The following FBXO33 variants were observed in gnomAD, a reference collection of about 807,000 sequenced individuals.
The protein encoded by FBXO33 is F-box only protein 33.
FBXO33 carries 22 observed loss-of-function variants against 46.3 expected under a neutral mutation model. The ratio of observed to expected loss-of-function variants is 0.48; its 90% confidence interval spans 0.34 to 0.68. FBXO33 has a LOEUF of 0.68. Among genes scored for constraint, FBXO33 ranks in the 30% least tolerant of loss-of-function variants. FBXO33 has a pLI of 0.01. For missense variants in FBXO33, 692 were observed against 708.8 expected, an observed-to-expected ratio of 0.98 and a Z score of 0.27; for synonymous variants, 337 against 291.3, an observed-to-expected ratio of 1.16 and a Z score of -1.60.
At chr14:39,430,671 C>G (rs1029987286) in intron 1 of FBXO33, among the ~76,000 whole-genome samples, 1 of 152,020 alleles carries the variant, frequency 6.6e-6, no homozygotes, top group Non-Finnish European at 1.5e-5. Context: ...CTTTTGTGAA[C>G]GTCTAAACTT....
At chr14:39,419,653 A>G (rs1238158839) in intron 1 of FBXO33, among the ~76,000 whole-genome samples, 1 of 152,232 alleles carries the variant, frequency 6.6e-6, no homozygotes, top group Non-Finnish European at 1.5e-5. Flanking sequence ...GAGTTTATTT[A>G]CTCATTCATT....
Position 39,429,997 on chromosome 14 carries a change from G to T in FBXO33, c.599+1567C>A, listed in dbSNP as rs188748884. Among the ~76,000 whole-genome samples the T allele has an allele frequency of 1.7e-3, 252 of 152,304 alleles. 1 individual carries two copies. Among genetic ancestry groups the T allele is most frequent in the African/African-American group, 5.4e-3 (223 of 41,556 alleles). The stretch of plus-strand genomic sequence containing the variant: ...AGTCTTGTTCTTACTTGGGTCAAAG[G>T]CACATACAGTGTTTGCATGGTTGCA... On this transcript the variant is annotated intron_variant, in intron 1 of 3. Transcript: ENST00000298097.
intron 1 of FBXO33, among the ~76,000 whole-genome samples, chr14:39,426,409 C>T (rs1436643711): frequency 6.6e-6 from 1 of 152,050 alleles, no homozygotes; most frequent in African/African-American, 2.4e-5. Context: ...CCAACTTGTC[C>T]CCCTACTTTC....
chr14:39,418,868 T>A (rs1048462076), intron 1 of FBXO33, among the ~76,000 whole-genome samples: 2 of 151,492 alleles, frequency 1.3e-5, no homozygotes, highest in Non-Finnish European at 2.9e-5. Flanking sequence ...TCCAGCTATA[T>A]AATAATTTAA....
intron 1 of FBXO33, among the ~76,000 whole-genome samples, chr14:39,404,677 G>A (rs1427116659): frequency 6.6e-6 from 1 of 152,136 alleles, no homozygotes; most frequent in Non-Finnish European, 1.5e-5. Flanking sequence ...GTAAGGTAGG[G>A]AGACAGCATT....
In FBXO33 at chr14:39,401,417, T is replaced by G. The variant is rs144152967; in HGVS notation, c.1155A>C (p.Leu385Phe). The change falls in exon 3 of 4, where the codon TTA becomes TTC. Residue 385 changes from leucine (L) to phenylalanine (F), a missense_variant. Leu to Phe is a conservative substitution (Grantham distance 22). This residue lies in a region of FBXO33 where 186 missense variants were observed against 246.1 expected (regional missense o/e 0.76). Transcript: ENST00000298097. Reference sequence around the variant, plus strand: ...GTGGTATACTGGGTTTCAGAATCTTTAACATATCTTCACTCTTGATATCAA... The same window carrying G: ...GTGGTATACTGGGTTTCAGAATCTTGAACATATCTTCACTCTTGATATCAA... ...MAFDIKSEDM[L>F]KILKPSIPLE... The G allele has an allele frequency of 1.2e-6, 2 of 1,614,102 alleles. No individual in the cohort carries two copies. The highest frequency in any genetic ancestry group is 1.3e-5 in the African/African-American group (1 of 74,936).
intron 1 of FBXO33, among the ~76,000 whole-genome samples, chr14:39,428,126 G>C (rs1018450716): frequency 6.6e-6 from 1 of 152,164 alleles, no homozygotes; most frequent in Non-Finnish European, 1.5e-5. Flanking sequence ...CATACAAGCA[G>C]TTAGAGCTGT....
rs2075373166 is a variant in FBXO33, at chr14:39,402,496, A to G, written c.615T>C (p.Phe205=). 6.5e-7 allele frequency: 1 copy of G among 1,527,070 alleles called. No homozygotes were observed. The highest frequency in any genetic ancestry group is 8.8e-7 in the Non-Finnish European group (1 of 1,135,088). 94.6% of individuals were successfully genotyped at this position (1,527,070 alleles called of 1,614,324 possible). Residue 205 remains phenylalanine (F), a synonymous_variant, in exon 2 of 4, where the codon TTT becomes TTC. Coordinates refer to ENST00000298097, the MANE Select transcript of FBXO33 (RefSeq NM_203301.4). ...SIRNNRNLQK[F]SLFGDISVLQ... The stretch of plus-strand genomic sequence containing the variant: ...GAACACTTATGTCTCCAAAAAGACT[A>G]AACTTCTGAAGGTTCCTACAAGAAC...
intron 1 of FBXO33, 127 bp from the exon 2 acceptor site, chr14:39,402,638 C>A: frequency 2.7e-6 from 1 of 375,816 alleles, no homozygotes; most frequent in Non-Finnish European, 4.5e-6. Flanking sequence ...AATTAGAATC[C>A]AGTTAAGTAC....
intron 1 of FBXO33, among the ~76,000 whole-genome samples, chr14:39,417,398 C>T (rs777757666): frequency 1.2e-4 from 19 of 152,212 alleles, no homozygotes; most frequent in South Asian, 2.1e-4. Context: ...AGCTAGTTTG[C>T]GGGAGAAGCT....
chr14:39,430,181 C>CTCTA (rs2075535902), intron 1 of FBXO33, among the ~76,000 whole-genome samples: 1 of 152,208 alleles, frequency 6.6e-6, no homozygotes, highest in Non-Finnish European at 1.5e-5. Context: ...CTGAGAAAGT[C>CTCTA]TCTAACCTAA....
chr14:39,419,290 T>C (rs1482459887), intron 1 of FBXO33, among the ~76,000 whole-genome samples: 1 of 152,222 alleles, frequency 6.6e-6, no homozygotes, highest in East Asian at 1.9e-4. Context: ...TAGGTACTTA[T>C]TTTTCAATTC....
intron 1 of FBXO33, among the ~76,000 whole-genome samples, chr14:39,417,265 G>A (rs2075452930): frequency 1.3e-5 from 2 of 152,234 alleles, no homozygotes; most frequent in Admixed American, 6.5e-5. Context: ...CTGGATATGA[G>A]GTGAGACAGA....
At chr14:39,427,950 T>C (rs1180692062) in intron 1 of FBXO33, among the ~76,000 whole-genome samples, 1 of 152,146 alleles carries the variant, frequency 6.6e-6, no homozygotes, top group Non-Finnish European at 1.5e-5. Flanking sequence ...TCTCAAAATA[T>C]TTTTAAATGT....
chr14:39,422,714 C>T (rs958594845), intron 1 of FBXO33, among the ~76,000 whole-genome samples: 1 of 152,168 alleles, frequency 6.6e-6, no homozygotes, highest in Admixed American at 6.5e-5. Context: ...ATCTTTTTGA[C>T]TTTGCAGATT....
At chr14:39,419,790 G>C (rs888317877) in intron 1 of FBXO33, among the ~76,000 whole-genome samples, 1 of 152,222 alleles carries the variant, frequency 6.6e-6, no homozygotes, top group African/African-American at 2.4e-5. Flanking sequence ...CAGTTGGCTA[G>C]AAAGTTTCTT....
chr14:39,407,367 A>G (rs1042021575), intron 1 of FBXO33, among the ~76,000 whole-genome samples: 12 of 152,228 alleles, frequency 7.9e-5, no homozygotes, highest in African/African-American at 2.9e-4. Context: ...ACACAATCCT[A>G]ATAGGTACTA....
intron 1 of FBXO33, among the ~76,000 whole-genome samples, chr14:39,415,017 C>A (rs1317312882): frequency 6.6e-6 from 1 of 152,074 alleles, no homozygotes; most frequent in Non-Finnish European, 1.5e-5. Context: ...AAGGGCTGGT[C>A]CGTAGTCAGA....
At chr14:39,410,605 T>C (rs1231110517) in intron 1 of FBXO33, among the ~76,000 whole-genome samples, 2 of 152,226 alleles carry the variant, frequency 1.3e-5, no homozygotes, top group Non-Finnish European at 2.9e-5. Flanking sequence ...CTGGCATTAA[T>C]TCTTCTTCAA....
Sources: gnomAD v4.1 joint callset for allele counts (sites outside exome capture counted in the v4.1 genomes callset) on GRCh38, gnomAD v4.1.1 for gene constraint, gnomAD v4.1.1 regional missense constraint, MANE v1.5 for transcripts, NCBI Gene and HGNC (gene_info 2026-07-23, HGNC 2026-07-21) for gene names.